Variants in MAN1C1 observed in about 807,000 individuals in gnomAD.
The protein encoded by MAN1C1 is mannosyl-oligosaccharide 1,2-alpha-mannosidase IC.
MAN1C1 carries 49 observed loss-of-function variants against 71.5 expected under a neutral mutation model. That is an observed-to-expected ratio of 0.69 (90% CI 0.54 to 0.87). The LOEUF is 0.87. Ranked by LOEUF, MAN1C1 falls within the 40% of genes least tolerant of loss-of-function variation. The pLI is 0.00. For missense variants in MAN1C1, 743 were observed against 835.0 expected (o/e 0.89, Z 1.36); for synonymous variants, 352 against 343.7 (o/e 1.02, Z -0.27).
At chr1:25,774,525 G>T (rs111525529) in intron 8 of MAN1C1, among the ~76,000 whole-genome samples, 50 of 152,262 alleles carry the variant, frequency 3.3e-4, no homozygotes, top group African/African-American at 1.0e-3. Context: ...AACCCCTCCC[G>T]CGAGTGCTCA....
intron 2 of MAN1C1, among the ~76,000 whole-genome samples, chr1:25,708,758 C>T (rs1361356401): frequency 1.3e-5 from 2 of 152,126 alleles, no homozygotes; most frequent in African/African-American, 2.4e-5. Flanking sequence ...TTGCTGCGCT[C>T]CTGTAATCCC....
chr1:25,653,769 T>C (rs1281274347), intron 1 of MAN1C1, among the ~76,000 whole-genome samples: 1 of 152,068 alleles, frequency 6.6e-6, no homozygotes, highest in Non-Finnish European at 1.5e-5. Flanking sequence ...GGATCAGGCA[T>C]GTTTGGGAGG....
At chr1:25,686,124 G>A (rs1002542010) in intron 1 of MAN1C1, among the ~76,000 whole-genome samples, 4 of 152,176 alleles carry the variant, frequency 2.6e-5, no homozygotes, top group Non-Finnish European at 4.4e-5. Context: ...AGCAAAACAG[G>A]GAAGGCTTCC....
In MAN1C1 at chr1:25,689,104, A is replaced by G. The variant is rs1033793629; in HGVS notation, c.637+2568A>G. ...GTCTTGATTGACTCCTTCACTCCAT[A>G]TGTAACTTGTTAGGTGCCAGTGCCT... On this transcript the variant is annotated intron_variant, in intron 2 of 11. Coordinates refer to ENST00000374332, the MANE Select transcript of MAN1C1 (RefSeq NM_020379.4). Among the ~76,000 whole-genome samples, 3 of 152,258 alleles carry G rather than the reference A, an allele frequency of 2.0e-5. No individual in the cohort carries two copies. In the East Asian group the frequency reaches 5.8e-4, roughly 29 times the overall value.
chr1:25,669,739 C>T (rs2045969967), intron 1 of MAN1C1, among the ~76,000 whole-genome samples: 2 of 152,142 alleles, frequency 1.3e-5, no homozygotes, highest in Non-Finnish European at 1.5e-5. Context: ...ACTATCATAC[C>T]ACTGTACTGC....
At position 25,783,866 on chromosome 1, in the gene MAN1C1, G is replaced by C. The variant is rs867377229; in HGVS notation, c.*77G>C. The C allele has an allele frequency of 1.1e-5, 17 of 1,532,536 alleles. No homozygotes were observed. The highest frequency in any genetic ancestry group is 4.1e-5 in the African/African-American group (3 of 73,056). 94.9% of individuals were successfully genotyped at this position (1,532,536 alleles called of 1,614,324 possible). ...CAGGATTTGAGACTGTTCTCAAAGG[G>C]ATTGGGAACGAAGGCCCCATCTCGG... On this transcript the variant is annotated 3_prime_UTR_variant, in exon 12 of 12. Transcript: ENST00000374332.
At chr1:25,673,271 G>C (rs1022974735) in intron 1 of MAN1C1, among the ~76,000 whole-genome samples, 2 of 152,176 alleles carry the variant, frequency 1.3e-5, no homozygotes, top group East Asian at 3.9e-4. Flanking sequence ...CCCAGGTGCT[G>C]TGCCGAGGGC....
At chr1:25,703,681 A>G (rs1187502044) in intron 2 of MAN1C1, among the ~76,000 whole-genome samples, 1 of 151,270 alleles carries the variant, frequency 6.6e-6, no homozygotes, top group Non-Finnish European at 1.5e-5. Context: ...AACTCTGTCT[A>G]AAAAAAAAGA....
At position 25,781,025 on chromosome 1, in the gene MAN1C1, C is replaced by A; in HGVS notation, c.1563C>A (p.Leu521=). 1 of 1,614,158 alleles carries A rather than the reference C, an allele frequency of 6.2e-7. No individual in the cohort carries two copies. The part of the protein sequence containing the change: ...ATQLSESYYI[L]RPEVVESYMY... ...AGCTGAGCGAGAGCTACTACATCCTCCGGCCAGAGGTGGTGGAGAGCTACA... is the reference window on the plus strand; with the variant it reads ...AGCTGAGCGAGAGCTACTACATCCTACGGCCAGAGGTGGTGGAGAGCTACA... The change falls in exon 10 of 12, where the codon CTC becomes CTA. Residue 521 remains leucine, a synonymous_variant. Transcript: ENST00000374332.
At chr1:25,684,239 A>G (rs890191325) in intron 1 of MAN1C1, among the ~76,000 whole-genome samples, 10 of 152,010 alleles carry the variant, frequency 6.6e-5, no homozygotes, top group Middle Eastern at 3.2e-3. Flanking sequence ...GAGCCCTCAG[A>G]TAAGAGAGAC....
chr1:25,741,096 T>A (rs990100770), intron 2 of MAN1C1, among the ~76,000 whole-genome samples: 1 of 151,852 alleles, frequency 6.6e-6, no homozygotes, highest in Admixed American at 6.6e-5. Context: ...TTTCAGACAG[T>A]GAAACATGCG....
At chr1:25,618,484 C>A in intron 1 of MAN1C1, 147 bp downstream of exon 1, 1 of 731,350 alleles carries the variant, frequency 1.4e-6, no homozygotes, top group Non-Finnish European at 2.2e-6. Context: ...TGCACCTTCC[C>A]CTTTCCTCCC....
intron 1 of MAN1C1, among the ~76,000 whole-genome samples, chr1:25,652,959 T>C: frequency 6.6e-6 from 1 of 152,116 alleles, no homozygotes; most frequent in East Asian, 1.9e-4. Context: ...GGTCTCGCCA[T>C]GTTGCCCAGG....
intron 1 of MAN1C1, among the ~76,000 whole-genome samples, chr1:25,623,483 G>A (rs2045248133): frequency 6.6e-6 from 1 of 152,084 alleles, no homozygotes. Flanking sequence ...AGATTCCCCT[G>A]TGGTTTTCAC....
chr1:25,664,394 T>G (rs2045892413), intron 1 of MAN1C1, among the ~76,000 whole-genome samples: 1 of 152,190 alleles, frequency 6.6e-6, no homozygotes, highest in Admixed American at 6.6e-5. Flanking sequence ...AAAACAGTTG[T>G]CAAGGAAATA....
chr1:25,753,575 A>C lies in MAN1C1; in HGVS notation c.926A>C (p.Lys309Thr), dbSNP rs1164603566. 8 of 1,613,212 alleles carry C rather than the reference A, an allele frequency of 5.0e-6. No homozygotes were observed. In the African/African-American group the frequency reaches 1.1e-4, roughly 22 times the overall value. ...TGIPKGVVSF[K>T]SGNWGWATAG... ...ATCCCAAAGGGCGTGGTGAGCTTCA[A>C]AAGGTAGGGCGCCATCGCGTTCCCC... Residue 309 changes from lysine to threonine, a missense_variant, in exon 5 of 12, where the codon AAA (lysine) becomes ACA (threonine). Coordinates refer to ENST00000374332, the MANE Select transcript of MAN1C1 (RefSeq NM_020379.4). This position sits in a 1 kb window ranked among gnomAD's most constrained non-coding sequence, Gnocchi z 4.9.
At chr1:25,757,452 A>G (rs2047301389) in intron 5 of MAN1C1, among the ~76,000 whole-genome samples, 1 of 152,154 alleles carries the variant, frequency 6.6e-6, no homozygotes, top group Admixed American at 6.5e-5. Flanking sequence ...GTTGTCCTAA[A>G]TATCCCACAG....
intron 1 of MAN1C1, among the ~76,000 whole-genome samples, chr1:25,650,556 T>C (rs1282972735): frequency 6.6e-6 from 1 of 152,204 alleles, no homozygotes; most frequent in Non-Finnish European, 1.5e-5. Context: ...GGTCCAGGTA[T>C]GGCCTGCTTG....
intron 1 of MAN1C1, among the ~76,000 whole-genome samples, chr1:25,676,025 T>A (rs1371284184): frequency 6.6e-6 from 1 of 152,202 alleles, no homozygotes; most frequent in Non-Finnish European, 1.5e-5. Flanking sequence ...AGAGTGGAAC[T>A]GAGGTACTCT....
Sources: gnomAD v4.1 joint callset for allele counts (sites outside exome capture counted in the v4.1 genomes callset) on GRCh38, gnomAD v4.1.1 for gene constraint, Gnocchi (gnomAD v3.1) non-coding constraint, MANE v1.5 for transcripts, NCBI Gene and HGNC (gene_info 2026-07-23, HGNC 2026-07-21) for gene names.